Variants in RAB10 observed in about 807,000 individuals in gnomAD.
RAB10 encodes the protein ras-related protein Rab-10.
A neutral mutation model predicts 25.7 loss-of-function variants in RAB10; 5 were observed. The observed-to-expected ratio is 0.19, with a 90% CI of 0.10 to 0.41. RAB10 has a LOEUF of 0.41. Ranked by LOEUF, RAB10 falls within the 10% of genes least tolerant of loss-of-function variation. RAB10 has a pLI of 1.00. For synonymous variants in RAB10, 89 were observed against 86.4 expected (o/e 1.03, Z -0.16); for missense variants, 103 against 245.8 (o/e 0.42, Z 3.89).
At chr2:26,106,410 A>G (rs1175079800) in intron 2 of RAB10, among the ~76,000 whole-genome samples, 9 of 152,338 alleles carry the variant, frequency 5.9e-5, no homozygotes, top group Non-Finnish European at 8.8e-5. Context: ...TTGCAACAGA[A>G]TAAAGAACCC....
chr2:26,135,253 A>G lies in RAB10; in HGVS notation c.*232A>G. On this transcript the variant is annotated 3_prime_UTR_variant, in exon 6 of 6. Transcript: ENST00000264710. Reference sequence around the variant, plus strand: ...ATCATGTCTGTGAGTTCATTTTTAAATGTACTTGCTCAGCTCAACTGCATT... The same window carrying G: ...ATCATGTCTGTGAGTTCATTTTTAAGTGTACTTGCTCAGCTCAACTGCATT... The G allele has an allele frequency of 2.2e-6, 1 of 456,608 alleles. No homozygotes were observed. Among genetic ancestry groups the G allele is most frequent in the Non-Finnish European group, 3.9e-6 (1 of 256,438 alleles). 28.3% of individuals were successfully genotyped at this position (456,608 alleles called of 1,614,324 possible).
At chr2:26,089,000 A>G (rs1413147928) in intron 1 of RAB10, among the ~76,000 whole-genome samples, 1 of 152,112 alleles carries the variant, frequency 6.6e-6, no homozygotes, top group African/African-American at 2.4e-5. Flanking sequence ...TAATGAAACC[A>G]TGATATTTAC....
intron 1 of RAB10, among the ~76,000 whole-genome samples, chr2:26,045,484 C>T (rs935744614): frequency 3.9e-5 from 6 of 152,154 alleles, no homozygotes; most frequent in African/African-American, 1.4e-4. Flanking sequence ...CATGATCCGC[C>T]CGCCTCTGCC....
intron 1 of RAB10, among the ~76,000 whole-genome samples, chr2:26,096,041 T>C (rs1252474241): frequency 1.3e-5 from 2 of 152,210 alleles, no homozygotes; most frequent in African/African-American, 4.8e-5. Context: ...TGTACAGCAA[T>C]TTCTCTTGGA....
At chr2:26,115,601 G>A (rs1667666751) in intron 3 of RAB10, among the ~76,000 whole-genome samples, 1 of 152,142 alleles carries the variant, frequency 6.6e-6, no homozygotes, top group Non-Finnish European at 1.5e-5. Flanking sequence ...GAAAAGAGTG[G>A]TTGCTATGAG....
intron 2 of RAB10, among the ~76,000 whole-genome samples, chr2:26,106,644 C>T (rs1036253451): frequency 1.3e-5 from 2 of 151,138 alleles, no homozygotes; most frequent in African/African-American, 2.4e-5. Flanking sequence ...CCAGCACTTT[C>T]GGAGGCTGAG....
At chr2:26,034,003 C>T (rs1665697718), upstream of RAB10, 1 of 398,752 alleles carries the variant, frequency 2.5e-6, no homozygotes, top group African/African-American at 2.1e-5. Flanking sequence ...CGGCGCGCCC[C>T]CATGCCCTCT....
chr2:26,059,948 T>C (rs1245790108), intron 1 of RAB10, among the ~76,000 whole-genome samples: 1 of 152,214 alleles, frequency 6.6e-6, no homozygotes, highest in Non-Finnish European at 1.5e-5. Flanking sequence ...AATAAAAATA[T>C]TAAAAGATTG....
chr2:26,108,615 T>TA (rs576568660), intron 2 of RAB10, among the ~76,000 whole-genome samples: 10,523 of 60,334 alleles, frequency 0.17, 1,207 homozygotes, highest in African/African-American at 0.49. Flanking sequence ...TAAGTGCATG[T>TA]AAAAAAAAAA....
At chr2:26,040,197 C>T (rs1176549926) in intron 1 of RAB10, among the ~76,000 whole-genome samples, 2 of 152,104 alleles carry the variant, frequency 1.3e-5, no homozygotes, top group East Asian at 1.9e-4. Context: ...TGTCACCCAA[C>T]TTGGAGTGCA....
At chr2:26,104,352 G>T (rs1667421164) in intron 2 of RAB10, among the ~76,000 whole-genome samples, 1 of 152,204 alleles carries the variant, frequency 6.6e-6, no homozygotes, top group South Asian at 2.1e-4. Flanking sequence ...AGCATCTTAA[G>T]TGTTTATTGG....
At chr2:26,068,549 AT>A (rs201336528) in intron 1 of RAB10, among the ~76,000 whole-genome samples, 3 of 150,344 alleles carry the variant, frequency 2.0e-5, no homozygotes, top group South Asian at 2.1e-4. Flanking sequence ...TGAGCCTTTA[AT>A]TTTTTTTTTG....
intron 1 of RAB10, among the ~76,000 whole-genome samples, chr2:26,092,261 CTGTGTGTGTGTG>C (rs56875863): frequency 0.041 from 5,342 of 130,766 alleles, 138 homozygotes; most frequent in Middle Eastern, 0.052. Flanking sequence ...ATAGTGAGAG[CTGTGTGTGTGTG>C]TGTGTGTGTG....
chr2:26,042,754 G>T (rs1301250994), intron 1 of RAB10: 3 of 151,876 alleles, frequency 2.0e-5, no homozygotes, highest in Non-Finnish European at 4.4e-5. Flanking sequence ...AGGATGACAC[G>T]CAAATTTGTG....
At chr2:26,109,489 C>T (rs893787883) in intron 2 of RAB10, among the ~76,000 whole-genome samples, 3 of 152,092 alleles carry the variant, frequency 2.0e-5, no homozygotes, top group Admixed American at 6.5e-5. Flanking sequence ...AAAAATCCTA[C>T]CTGCTTTTGT....
chr2:26,085,541 C>CTG (rs1666958821), intron 1 of RAB10, among the ~76,000 whole-genome samples: 1 of 151,312 alleles, frequency 6.6e-6, no homozygotes, highest in African/African-American at 2.4e-5. Flanking sequence ...AGGTCACCAG[C>CTG]TTGACCTTCT....
chr2:26,064,893 G>A (rs764982610), intron 1 of RAB10, among the ~76,000 whole-genome samples: 3 of 152,120 alleles, frequency 2.0e-5, no homozygotes, highest in East Asian at 3.9e-4. Context: ...ACACATGTGC[G>A]CACACACTCA....
intron 5 of RAB10, among the ~76,000 whole-genome samples, chr2:26,131,993 G>A (rs189601106): frequency 3.9e-5 from 6 of 152,160 alleles, no homozygotes; most frequent in South Asian, 2.1e-4. Context: ...TTTTCCACAC[G>A]CACATACATT....
intron 1 of RAB10, among the ~76,000 whole-genome samples, chr2:26,097,273 C>G (rs965084629): frequency 2.0e-5 from 3 of 152,004 alleles, no homozygotes; most frequent in African/African-American, 7.2e-5. Context: ...CCTCAATACT[C>G]TTTTCTTTGT....
Sources: gnomAD v4.1 joint callset for allele counts (sites outside exome capture counted in the v4.1 genomes callset) on GRCh38, gnomAD v4.1.1 for gene constraint, MANE v1.5 for transcripts, NCBI Gene and HGNC (gene_info 2026-07-23, HGNC 2026-07-21) for gene names.